Variants in PCDHGA2 observed in about 807,000 individuals in gnomAD.
PCDHGA2 encodes the protein protocadherin gamma subfamily A, 2.
In PCDHGA2, 40 loss-of-function variants were observed where a neutral mutation model predicts 59.2. The observed-to-expected ratio is 0.68, with a 90% CI of 0.52 to 0.88. The LOEUF is 0.88. PCDHGA2 is among the 40% of genes least tolerant of loss of function. The pLI is 0.00. For missense variants in PCDHGA2, 1,226 were observed against 1,204.0 expected (o/e 1.02, Z -0.27); for synonymous variants, 560 against 526.0 (o/e 1.06, Z -0.89).
intron 1 of PCDHGA2, chr5:141,342,617 T>G (rs1757186654): frequency 6.6e-6 from 1 of 152,206 alleles, no homozygotes; most frequent in Admixed American, 6.5e-5. Context: ...TGGAACTCAC[T>G]GTGGAATAAT....
intron 1 of PCDHGA2, chr5:141,399,493 A>G (rs2093820399): frequency 1.2e-6 from 2 of 1,614,036 alleles, no homozygotes; most frequent in African/African-American, 2.7e-5. Context: ...CTACTTAGTC[A>G]GTGTACCCGA....
Position 141,489,465 on chromosome 5 carries a change from T to C in PCDHGA2, c.2425-5342T>C. On this transcript the variant is annotated intron_variant, in intron 1 of 3. Transcript: ENST00000394576. The surrounding 1 kb of genome is among the most constrained non-coding windows in gnomAD (Gnocchi z 4.5). The stretch of plus-strand genomic sequence containing the variant: ...GCTCTGAGGAGAATGGGCGCTATTT[T>C]TCCCTGAGCTTGATGAGTGGTGCCC... The C allele has an allele frequency of 1.2e-6, 2 of 1,614,082 alleles. No homozygotes were observed. The highest frequency in any genetic ancestry group is 1.3e-5 in the African/African-American group (1 of 75,042).
chr5:141,387,668 A>C, intron 1 of PCDHGA2: 1 of 689,820 alleles, frequency 1.4e-6, no homozygotes, highest in Non-Finnish European at 2.4e-6. Flanking sequence ...GGCGCTCCAG[A>C]TCTCCTCGCG....
chr5:141,481,352 C>T (rs1007066307), intron 1 of PCDHGA2, among the ~76,000 whole-genome samples: 3 of 152,222 alleles, frequency 2.0e-5, no homozygotes, highest in East Asian at 1.9e-4. Flanking sequence ...TAAACATCTA[C>T]AGCTGTTCAA....
intron 1 of PCDHGA2, chr5:141,399,826 G>C (rs2093897872): frequency 1.2e-6 from 2 of 1,613,066 alleles, no homozygotes; most frequent in Non-Finnish European, 1.7e-6. Context: ...GGGTCCCGAC[G>C]GCTCTGCGCT....
chr5:141,367,194 C>G (rs1212197084), intron 1 of PCDHGA2: 4 of 158,964 alleles, frequency 2.5e-5, no homozygotes, highest in African/African-American at 9.7e-5. Flanking sequence ...AAATAATTTA[C>G]AGTATTTACA....
At chr5:141,376,652 C>T (rs1030026607) in intron 1 of PCDHGA2, 3 of 877,708 alleles carry the variant, frequency 3.4e-6, no homozygotes, top group East Asian at 2.7e-5. Context: ...AAGTGGAAGA[C>T]TCCCTTGTTC....
chr5:141,370,739 C>CT (rs772637726), intron 1 of PCDHGA2: 1 of 1,613,910 alleles, frequency 6.2e-7, no homozygotes, highest in Non-Finnish European at 8.5e-7. Flanking sequence ...AGCCTTTAAA[C>CT]TTTTTTCATG....
chr5:141,405,233 G>A (rs746061797), intron 1 of PCDHGA2: 10 of 1,613,914 alleles, frequency 6.2e-6, no homozygotes, highest in East Asian at 2.2e-5. Flanking sequence ...CTCCCTCACC[G>A]CTGACTCAAG....
chr5:141,347,969 A>G (rs755614604), intron 1 of PCDHGA2, among the ~76,000 whole-genome samples: 1 of 152,216 alleles, frequency 6.6e-6, no homozygotes, highest in Non-Finnish European at 1.5e-5. Context: ...TGAGAAGGAC[A>G]TCAAAAACAT....
chr5:141,342,039 T>C (rs969604137), intron 1 of PCDHGA2: 4 of 152,782 alleles, frequency 2.6e-5, no homozygotes, highest in Admixed American at 6.5e-5. Flanking sequence ...AGCTATATGC[T>C]TCTTGAAGAA....
chr5:141,413,695 T>C lies in PCDHGA2; in HGVS notation c.2424+72300T>C, dbSNP rs573363878. The C allele has an allele frequency of 4.8e-5, 77 of 1,613,796 alleles. 1 individual carries two copies. The highest frequency in any genetic ancestry group is 3.0e-4 in the South Asian group (27 of 91,078). ...TGTGGGCGTGAACTCCCTGCAGAGC[T>C]ATCAGCTCAGCCCCAATAAGCACTT... On this transcript the variant is annotated intron_variant, in intron 1 of 3. Transcript: ENST00000394576.
chr5:141,382,838 A>C (rs1040102322), intron 1 of PCDHGA2: 1 of 1,445,878 alleles, frequency 6.9e-7, no homozygotes, highest in Non-Finnish European at 9.3e-7. Flanking sequence ...GTCCACCCGG[A>C]TACACCCGCA....
At chr5:141,427,092 G>T in intron 1 of PCDHGA2, 1 of 458,134 alleles carries the variant, frequency 2.2e-6, no homozygotes, top group Non-Finnish European at 4.4e-6. Flanking sequence ...CCAGGATGAG[G>T]GTGTCAATGC....
At chr5:141,443,547 T>C (rs1210940890) in intron 1 of PCDHGA2, among the ~76,000 whole-genome samples, 2 of 152,192 alleles carry the variant, frequency 1.3e-5, no homozygotes, top group Non-Finnish European at 2.9e-5. Context: ...TGGGAAATTG[T>C]TCCAATTCAA....
rs746834673 is a variant in PCDHGA2, at chr5:141,394,045, A to G, written c.2424+52650A>G. ...AGATTAGTGACAAGGAAATATTTGG[A>G]CCGAGAAAATGTCTCTATCTACAAT... On this transcript the variant is annotated intron_variant, in intron 1 of 3. Transcript: ENST00000394576. 6 of 1,613,706 alleles carry G rather than the reference A, an allele frequency of 3.7e-6. No individual in the cohort carries two copies. The highest frequency in any genetic ancestry group is 1.6e-4 in the Middle Eastern group (1 of 6,062).
chr5:141,376,730 A>T (rs1773298181), intron 1 of PCDHGA2: 1 of 526,912 alleles, frequency 1.9e-6, no homozygotes, highest in Admixed American at 4.2e-5. Flanking sequence ...CCCAGGCCGG[A>T]CTGCGGACTG....
Position 141,485,072 on chromosome 5 carries a change from G to C in PCDHGA2, c.2425-9735G>C. 1.1e-6 allele frequency: 1 copy of C among 917,012 alleles called. No individual in the cohort carries two copies. The highest frequency in any genetic ancestry group is 1.7e-6 in the Non-Finnish European group (1 of 587,880). 56.8% of individuals were successfully genotyped at this position (917,012 alleles called of 1,614,324 possible). On this transcript the variant is annotated intron_variant, in intron 1 of 3. Coordinates refer to ENST00000394576, the MANE Select transcript of PCDHGA2 (RefSeq NM_018915.4). The surrounding 1 kb of genome is among the most constrained non-coding windows in gnomAD (Gnocchi z 5.7). ...CCGGCCGAACCGCGCCAGAGCTGGCGCGGGGAAAGGGAGATAGGTGTCTCC... is the reference window on the plus strand; with the variant it reads ...CCGGCCGAACCGCGCCAGAGCTGGCCCGGGGAAAGGGAGATAGGTGTCTCC...
chr5:141,495,412 G>A lies in PCDHGA2; in HGVS notation c.2483+547G>A, dbSNP rs188302135. 2.2e-4 allele frequency among the ~76,000 whole-genome samples: 33 copies of A among 152,284 alleles called. No homozygotes were observed. The East Asian group carries it at 6.4e-3, about 29-fold the overall frequency. ...GGCATGGAGCAGGCCCCCTTCTCCG[G>A]CCCCTCCTCCCACTGTCCTCTGCCC... On this transcript the variant is annotated intron_variant, in intron 2 of 3. Coordinates refer to ENST00000394576, the MANE Select transcript of PCDHGA2 (RefSeq NM_018915.4).
Sources: allele counts gnomAD v4.1 joint callset (sites outside exome capture counted in the v4.1 genomes callset), GRCh38; gene constraint gnomAD v4.1.1; non-coding constraint Gnocchi (gnomAD v3.1); transcripts MANE v1.5; gene names NCBI Gene and HGNC (gene_info 2026-07-23, HGNC 2026-07-21).